The following CALCRL variants were observed in gnomAD, a reference collection of about 807,000 sequenced individuals.
CALCRL encodes the protein calcitonin gene-related peptide type 1 receptor.
Under a neutral mutation model 60.4 loss-of-function variants are expected in CALCRL, and 27 were observed. The ratio of observed to expected loss-of-function variants is 0.45; its 90% CI spans 0.33 to 0.62. CALCRL has a LOEUF of 0.62. Ranked by LOEUF, CALCRL falls within the 20% of genes least tolerant of loss-of-function variation. The pLI is 0.03. For synonymous variants in CALCRL, 190 were observed against 182.6 expected, an observed-to-expected ratio of 1.04 and a Z score of -0.33; for missense variants, 424 against 540.7, an observed-to-expected ratio of 0.78 and a Z score of 2.14.
At chr2:187,380,628 T>C in intron 6 of CALCRL, 49 bp from the exon 7 acceptor site, 1 of 1,587,252 alleles carries the variant, frequency 6.3e-7, no homozygotes, top group Admixed American at 1.7e-5. Context: ...TAACCTAGGA[T>C]TTATTAAATA....
rs1450780088 is a variant in CALCRL, at chr2:187,373,811, C to T, written c.500+5129G>A. Reference sequence around the variant, plus strand: ...TAGAAAAATGAAAGAACATGTTCCACGCTACACAGCAAGTAAGTGACAAAG... The same window carrying T: ...TAGAAAAATGAAAGAACATGTTCCATGCTACACAGCAAGTAAGTGACAAAG... On this transcript the variant is annotated intron_variant, in intron 8 of 14. Transcript: ENST00000392370. 4.6e-5 allele frequency among the ~76,000 whole-genome samples: 7 copies of T among 152,076 alleles called. No individual in the cohort carries two copies. In the East Asian group the frequency reaches 5.8e-4, roughly 13 times the overall value.
rs779489226 is a variant in CALCRL, at chr2:187,346,419, CAGAA to C, written c.1171-24_1171-21del. The C allele has an allele frequency of 1.2e-5, 18 of 1,551,152 alleles. No individual in the cohort carries two copies. In the Admixed American group the frequency reaches 1.2e-4, roughly 10 times the overall value. On this transcript the variant is annotated intron_variant, in intron 14 of 14. Coordinates refer to ENST00000392370, the MANE Select transcript of CALCRL (RefSeq NM_005795.6). ...TTGAACCTATCAATCAAAAGGAAAA[CAGAA>C]AGAACAAGAACAACCCATTAATTGA...
intron 1 of CALCRL, among the ~76,000 whole-genome samples, chr2:187,416,459 C>T (rs1374788335): frequency 6.6e-6 from 1 of 151,704 alleles, no homozygotes; most frequent in Non-Finnish European, 1.5e-5. Context: ...TTTCTTACAC[C>T]TAAATAAAAC....
intron 1 of CALCRL, among the ~76,000 whole-genome samples, chr2:187,440,636 G>T (rs1478893799): frequency 6.6e-6 from 1 of 152,084 alleles, no homozygotes; most frequent in Non-Finnish European, 1.5e-5. Flanking sequence ...GGATTAGTAT[G>T]GAAAATTACA....
At chr2:187,425,456 T>C (rs541134391) in intron 1 of CALCRL, among the ~76,000 whole-genome samples, 1 of 152,072 alleles carries the variant, frequency 6.6e-6, no homozygotes, top group East Asian at 1.9e-4. Context: ...GAAAGTCTTA[T>C]ATTTATTTGC....
At chr2:187,369,962 CT>C (rs1015158502) in intron 8 of CALCRL, among the ~76,000 whole-genome samples, 4 of 152,062 alleles carry the variant, frequency 2.6e-5, no homozygotes, top group Non-Finnish European at 5.9e-5. Flanking sequence ...TCCACCATGG[CT>C]TTTTTTCCAT....
At chr2:187,356,290 A>G (rs1188091407) in intron 12 of CALCRL, among the ~76,000 whole-genome samples, 1 of 152,200 alleles carries the variant, frequency 6.6e-6, no homozygotes, top group Non-Finnish European at 1.5e-5. Flanking sequence ...ACAGCATGGT[A>G]CTGGTACCAA....
At chr2:187,362,654 T>G (rs147182271) in intron 9 of CALCRL, among the ~76,000 whole-genome samples, 12 of 152,176 alleles carry the variant, frequency 7.9e-5, no homozygotes, top group Admixed American at 7.9e-4. Flanking sequence ...GAATGTATGT[T>G]TATGTATGCA....
At chr2:187,387,876 C>A in intron 1 of CALCRL, 120 bp from the exon 2 acceptor site, 1 of 363,734 alleles carries the variant, frequency 2.7e-6, no homozygotes, top group East Asian at 3.9e-5. Flanking sequence ...TTGAACAATT[C>A]CAACTTTGAA....
intron 1 of CALCRL, among the ~76,000 whole-genome samples, chr2:187,443,619 C>G (rs1389447476): frequency 6.6e-6 from 1 of 151,638 alleles, no homozygotes; most frequent in Non-Finnish European, 1.5e-5. Context: ...ACAAATACAT[C>G]ATTAAAAGTA....
chr2:187,391,012 C>T (rs1688418716), intron 1 of CALCRL, among the ~76,000 whole-genome samples: 1 of 152,174 alleles, frequency 6.6e-6, no homozygotes, highest in South Asian at 2.1e-4. Flanking sequence ...TCATCCCTTT[C>T]ACCAAGAGGT....
chr2:187,380,415 G>T, intron 7 of CALCRL, 52 bp downstream of exon 7: 1 of 975,784 alleles, frequency 1.0e-6, no homozygotes, highest in South Asian at 1.3e-5. Context: ...GGACAAAGGA[G>T]CTGTTTAAAC....
intron 1 of CALCRL, among the ~76,000 whole-genome samples, chr2:187,426,714 G>A (rs1204182250): frequency 6.6e-6 from 1 of 151,994 alleles, no homozygotes; most frequent in Non-Finnish European, 1.5e-5. Flanking sequence ...ATGTAAGGTA[G>A]GTACTATGCT....
chr2:187,432,177 C>G (rs942662922), intron 1 of CALCRL, among the ~76,000 whole-genome samples: 1 of 152,106 alleles, frequency 6.6e-6, no homozygotes, highest in Non-Finnish European at 1.5e-5. Flanking sequence ...ATGTTACTAA[C>G]AAGTTAAATT....
intron 1 of CALCRL, among the ~76,000 whole-genome samples, chr2:187,406,415 A>G (rs994676561): frequency 1.3e-5 from 2 of 152,102 alleles, no homozygotes; most frequent in Non-Finnish European, 2.9e-5. Flanking sequence ...ACACATGTCA[A>G]ATTTAAATTT....
chr2:187,437,653 C>A (rs1690707656), intron 1 of CALCRL, among the ~76,000 whole-genome samples: 1 of 151,808 alleles, frequency 6.6e-6, no homozygotes, highest in Non-Finnish European at 1.5e-5. Context: ...ATTTTAAAAA[C>A]AAAATATAGT....
At position 187,360,657 on chromosome 2, in the gene CALCRL, A is replaced by G; in HGVS notation, c.722T>C (p.Ile241Thr). The G allele has an allele frequency of 6.2e-7, 1 of 1,612,822 alleles. No individual in the cohort carries two copies. The highest frequency in any genetic ancestry group is 8.5e-7 in the Non-Finnish European group (1 of 1,179,200). Residue 241 changes from isoleucine (I) to threonine (T), a missense_variant, in exon 10 of 15, where the codon ATT becomes ACT. Coordinates refer to ENST00000392370, the MANE Select transcript of CALCRL (RefSeq NM_005795.6). ...CTTCTCTGCAAACACGGCCACCACAATGAGTGTGTGTAGGTAAATGCCTTC... is the reference window on the plus strand; with the variant it reads ...CTTCTCTGCAAACACGGCCACCACAGTGAGTGTGTGTAGGTAAATGCCTTC... ...LCEGIYLHTL[I>T]VVAVFAEKQH...
At chr2:187,356,547 A>C (rs1394340124) in intron 12 of CALCRL, among the ~76,000 whole-genome samples, 1 of 152,204 alleles carries the variant, frequency 6.6e-6, no homozygotes, top group African/African-American at 2.4e-5. Context: ...TAAAACCATA[A>C]AAACCCTAGA....
Position 187,362,794 on chromosome 2 carries a change from T to C in CALCRL, c.627+582A>G, listed in dbSNP as rs543740970. Among the ~76,000 whole-genome samples the C allele has an allele frequency of 2.8e-4, 43 of 152,298 alleles. No individual in the cohort carries two copies. In the South Asian group the frequency reaches 8.1e-3, roughly 29 times the overall value. On this transcript the variant is annotated intron_variant, in intron 9 of 14. Coordinates refer to ENST00000392370, the MANE Select transcript of CALCRL (RefSeq NM_005795.6). The stretch of plus-strand genomic sequence containing the variant: ...ACAATTTATAAATATTTATTGAGAC[T>C]GAACACTGTAGTTTTTAAAACATTA...
Sources: allele counts gnomAD v4.1 joint callset (sites outside exome capture counted in the v4.1 genomes callset), GRCh38; gene constraint gnomAD v4.1.1; transcripts MANE v1.5; gene names NCBI Gene and HGNC (gene_info 2026-07-23, HGNC 2026-07-21).